GALNT13: variants seen among roughly 807,000 people sequenced by gnomAD.
GALNT13 encodes the protein polypeptide N-acetylgalactosaminyltransferase 13.
GALNT13 carries 28 observed loss-of-function variants against 64.2 expected under a neutral mutation model. That is an observed-to-expected ratio of 0.44 (90% CI 0.32 to 0.60). GALNT13 has a LOEUF of 0.60. GALNT13 is among the 20% of genes least tolerant of loss of function. GALNT13 has a pLI of 0.05. For synonymous variants in GALNT13, 214 were observed against 224.6 expected (o/e 0.95, Z 0.42); for missense variants, 577 against 669.8 (o/e 0.86, Z 1.53).
chr2:154,370,268 A>G (rs1697608002), intron 9 of GALNT13, among the ~76,000 whole-genome samples: 1 of 152,082 alleles, frequency 6.6e-6, no homozygotes, highest in East Asian at 1.9e-4. Flanking sequence ...AAGGGGTTTG[A>G]TTTTATCCTA....
the GALNT13 span, among the ~76,000 whole-genome samples, chr2:153,864,403 G>T: frequency 2.0e-5 from 3 of 152,138 alleles, no homozygotes; most frequent in Non-Finnish European, 4.4e-5. Flanking sequence ...TTGGATTTAG[G>T]TATTTTATTC....
chr2:154,027,767 T>C (rs1251482206), intron 3 of GALNT13, among the ~76,000 whole-genome samples: 2 of 152,102 alleles, frequency 1.3e-5, no homozygotes, highest in African/African-American at 4.8e-5. Flanking sequence ...AAATAGGAAC[T>C]GGGAATATAT....
At chr2:154,110,072 C>T (rs1224072957) in intron 3 of GALNT13, among the ~76,000 whole-genome samples, 2 of 151,268 alleles carry the variant, frequency 1.3e-5, no homozygotes, top group Non-Finnish European at 2.9e-5. Context: ...TTAAATGTTT[C>T]GTAGAATTCA....
the GALNT13 span, among the ~76,000 whole-genome samples, chr2:153,293,865 C>T: frequency 1.3e-5 from 2 of 151,852 alleles, no homozygotes; most frequent in African/African-American, 2.4e-5. Flanking sequence ...AATCACGGCT[C>T]ACTGCAGTCT....
At chr2:153,145,159 A>T in the GALNT13 span, among the ~76,000 whole-genome samples, 2 of 151,946 alleles carry the variant, frequency 1.3e-5, no homozygotes, top group Admixed American at 1.3e-4. Flanking sequence ...GTCATCTATT[A>T]TGGTGCTGAG....
chr2:153,934,566 C>A (rs1690764835), intron 2 of GALNT13, among the ~76,000 whole-genome samples: 1 of 152,128 alleles, frequency 6.6e-6, no homozygotes, highest in South Asian at 2.1e-4. Flanking sequence ...CGTGTCAATG[C>A]AGTTTGTCAC....
chr2:153,473,450 C>T, the GALNT13 span, among the ~76,000 whole-genome samples: 1 of 152,018 alleles, frequency 6.6e-6, no homozygotes, highest in East Asian at 1.9e-4. Context: ...GAAATGAGAA[C>T]AAAGTGAGAT....
At chr2:153,300,989 A>C in the GALNT13 span, among the ~76,000 whole-genome samples, 1 of 152,130 alleles carries the variant, frequency 6.6e-6, no homozygotes, top group Admixed American at 6.5e-5. Context: ...AGATAGCTTC[A>C]GGCCAGATGT....
At chr2:153,462,211 C>T in the GALNT13 span, among the ~76,000 whole-genome samples, 4 of 151,758 alleles carry the variant, frequency 2.6e-5, no homozygotes, top group Non-Finnish European at 4.4e-5. Context: ...TATTTCCCTC[C>T]GTACATATAA....
the GALNT13 span, among the ~76,000 whole-genome samples, chr2:153,280,285 A>G: frequency 6.6e-6 from 1 of 152,040 alleles, no homozygotes; most frequent in Admixed American, 6.6e-5. Flanking sequence ...CTAGTGATTT[A>G]TAGATTTTTC....
chr2:153,995,173 T>C (rs1261385219), intron 3 of GALNT13, among the ~76,000 whole-genome samples: 2 of 152,126 alleles, frequency 1.3e-5, no homozygotes, highest in Non-Finnish European at 2.9e-5. Context: ...TGCATATCTA[T>C]ATTAAATACT....
At chr2:153,452,205 A>G in the GALNT13 span, among the ~76,000 whole-genome samples, 1 of 152,238 alleles carries the variant, frequency 6.6e-6, no homozygotes, top group Non-Finnish European at 1.5e-5. Flanking sequence ...AACATACGGC[A>G]TAAGAATATG....
intron 3 of GALNT13, among the ~76,000 whole-genome samples, chr2:154,110,216 C>T (rs1196139093): frequency 7.2e-6 from 1 of 138,224 alleles, no homozygotes; most frequent in African/African-American, 2.7e-5. Flanking sequence ...GTTTTTATTT[C>T]CAAAGGTTTG....
At chr2:154,392,561 A>G (rs896617328) in intron 9 of GALNT13, among the ~76,000 whole-genome samples, 5 of 152,206 alleles carry the variant, frequency 3.3e-5, no homozygotes, top group African/African-American at 1.2e-4. Flanking sequence ...ATGTTTATTC[A>G]AAAGAAACCA....
intron 3 of GALNT13, among the ~76,000 whole-genome samples, chr2:153,967,399 G>A (rs1574228201): frequency 6.6e-6 from 1 of 152,266 alleles, no homozygotes; most frequent in South Asian, 2.1e-4. Context: ...ATTCAAAGGG[G>A]ATTGAGTGTT....
the GALNT13 span, among the ~76,000 whole-genome samples, chr2:153,844,287 A>G: frequency 6.6e-6 from 1 of 152,162 alleles, no homozygotes; most frequent in Non-Finnish European, 1.5e-5. Context: ...GTACCTGCAG[A>G]TTTAACACCA....
intron 4 of GALNT13, among the ~76,000 whole-genome samples, chr2:154,160,131 T>C (rs1447378592): frequency 6.6e-6 from 1 of 152,202 alleles, no homozygotes; most frequent in Admixed American, 6.5e-5. Context: ...TTGGCCATTT[T>C]CAGCTATTTT....
chr2:153,298,332 C>T, the GALNT13 span, among the ~76,000 whole-genome samples: 3 of 152,272 alleles, frequency 2.0e-5, no homozygotes, highest in African/African-American at 7.2e-5. Flanking sequence ...ACTATCAGGT[C>T]ACCTTCGTGA....
intron 3 of GALNT13, among the ~76,000 whole-genome samples, chr2:154,034,673 T>G (rs1698549863): frequency 6.6e-6 from 1 of 152,202 alleles, no homozygotes; most frequent in African/African-American, 2.4e-5. Context: ...TAGTTCCGAC[T>G]TATAAGTGAG....
Sources: allele counts gnomAD v4.1 joint callset (sites outside exome capture counted in the v4.1 genomes callset), GRCh38; gene constraint gnomAD v4.1.1; transcripts MANE v1.5; gene names NCBI Gene and HGNC (gene_info 2026-07-23, HGNC 2026-07-21).